The following NOX3 variants were observed in gnomAD, a reference collection of about 807,000 sequenced individuals.
NOX3 encodes the protein NADPH oxidase catalytic subunit-like 3.
In NOX3, 74 loss-of-function variants were observed where a neutral mutation model predicts 76.7. That is an observed-to-expected ratio of 0.96 (90% CI 0.80 to 1.17). The LOEUF is 1.17. Among genes scored for constraint, NOX3 ranks in the 50% most tolerant of loss-of-function variants. The pLI, the probability that NOX3 is intolerant of heterozygous loss-of-function variation, is 0.00. For synonymous variants in NOX3, 263 were observed against 261.1 expected (o/e 1.01, Z -0.07); for missense variants, 695 against 703.3 (o/e 0.99, Z 0.13).
At chr6:155,448,102 A>C (rs1265496435) in intron 4 of NOX3, among the ~76,000 whole-genome samples, 1 of 152,202 alleles carries the variant, frequency 6.6e-6, no homozygotes, top group Non-Finnish European at 1.5e-5. Flanking sequence ...AATACTGAAG[A>C]GGATACTTCT....
chr6:155,439,236 G>A (rs1387723845), intron 6 of NOX3, among the ~76,000 whole-genome samples: 1 of 152,148 alleles, frequency 6.6e-6, no homozygotes, highest in Non-Finnish European at 1.5e-5. Flanking sequence ...ATAATTAAAG[G>A]GACAAGCTAG....
chr6:155,436,329 A>G, intron 7 of NOX3, 89 bp downstream of exon 7: 1 of 1,462,894 alleles, frequency 6.8e-7, no homozygotes, highest in Non-Finnish European at 9.5e-7. Flanking sequence ...CTAGTGGTGA[A>G]ATGTGCTTTC....
chr6:155,411,540 T>C (rs1372690668), intron 10 of NOX3, among the ~76,000 whole-genome samples, 180 bp from the exon 11 acceptor site: 4 of 152,192 alleles, frequency 2.6e-5, no homozygotes, highest in African/African-American at 9.7e-5. Flanking sequence ...TTGAAAAAAT[T>C]CACAATGTGT....
chr6:155,404,711 C>CA (rs1431771916), intron 12 of NOX3, among the ~76,000 whole-genome samples: 1 of 152,160 alleles, frequency 6.6e-6, no homozygotes, highest in African/African-American at 2.4e-5. Context: ...AGCATGCCTT[C>CA]AAACCATCTC....
chr6:155,452,108 T>C (rs2114711176), intron 4 of NOX3, among the ~76,000 whole-genome samples: 1 of 152,370 alleles, frequency 6.6e-6, no homozygotes, highest in East Asian at 1.9e-4. Flanking sequence ...GCCTGGAGAT[T>C]CCTTGAATTG....
Position 155,428,955 on chromosome 6 carries a change from TG to T in NOX3, c.983del (p.Pro328GlnfsTer66), listed in dbSNP as rs545302024. 1.1e-4 allele frequency: 177 copies of T among 1,614,056 alleles called. No individual in the cohort carries two copies. The African/African-American group carries it at 2.1e-3, about 19-fold the overall frequency. On this transcript the variant is annotated frameshift_variant, in exon 9 of 14. Transcript: ENST00000159060. LOFTEE classifies it high-confidence loss of function. ...APGQYILVQC[P>X]AISSLEWHPF... ...GGTGCCACTCCAGCGAAGATATGGC[TG>T]GGCACTGCACCAAGATGTACTGCCC...
In NOX3 at chr6:155,455,133, G is replaced by A. The variant is rs765826428; in HGVS notation, c.49-4C>T. 1.9e-6 allele frequency: 3 copies of A among 1,588,734 alleles called. No homozygotes were observed. In the East Asian group the frequency reaches 6.7e-5, roughly 36 times the overall value. The stretch of plus-strand genomic sequence containing the variant: ...AATTTATTCCCAGCCATGAGAGCTA[G>A]AGTAGAAAGGAAAGAGAACCAATGA... On this transcript the variant is annotated splice_polypyrimidine_tract_variant and splice_region_variant and intron_variant, in intron 1 of 13. Coordinates refer to ENST00000159060, the MANE Select transcript of NOX3 (RefSeq NM_015718.3).
intron 10 of NOX3, among the ~76,000 whole-genome samples, chr6:155,414,623 CTTTTTTTTTT>C (rs72348061): frequency 8.8e-6 from 1 of 113,788 alleles, no homozygotes. Context: ...TCTTTTCTTT[CTTTTTTTTTT>C]TTTTTTTTTT....
At chr6:155,452,799 T>G (rs1267437002) in intron 4 of NOX3, among the ~76,000 whole-genome samples, 3 of 152,238 alleles carry the variant, frequency 2.0e-5, no homozygotes, top group Admixed American at 1.3e-4. Context: ...GGTTGATGAC[T>G]GCTCCTCCTC....
At chr6:155,455,336 CAT>C (rs768514880) in intron 1 of NOX3, among the ~76,000 whole-genome samples, 3 of 152,158 alleles carry the variant, frequency 2.0e-5, no homozygotes, top group Non-Finnish European at 4.4e-5. Context: ...ATTTTAAACA[CAT>C]ATGAGTCAAC....
At chr6:155,445,871 T>C (rs1376108640) in intron 4 of NOX3, among the ~76,000 whole-genome samples, 6 of 15,614 alleles carry the variant, frequency 3.8e-4, no homozygotes, top group South Asian at 2.7e-3. Flanking sequence ...GACATATACA[T>C]ATATATATAT....
chr6:155,417,389 G>A (rs562832362), intron 10 of NOX3, among the ~76,000 whole-genome samples: 2 of 152,290 alleles, frequency 1.3e-5, no homozygotes, highest in East Asian at 3.9e-4. Context: ...ATTTTAAAAT[G>A]TTTGTGTATT....
intron 4 of NOX3, 46 bp downstream of exon 4, chr6:155,453,358 G>A: frequency 1.5e-6 from 2 of 1,370,138 alleles, no homozygotes. Context: ...TATGAAGTTA[G>A]GCATCAGATA....
At chr6:155,397,039 T>C (rs1036675001) in intron 12 of NOX3, 77 bp from the exon 13 acceptor site, 4 of 1,365,968 alleles carry the variant, frequency 2.9e-6, no homozygotes, top group Middle Eastern at 2.0e-4. Context: ...AATGATAAGA[T>C]TAATGAAGTG....
chr6:155,432,889 C>G (rs1304374767), intron 7 of NOX3, among the ~76,000 whole-genome samples: 3 of 152,088 alleles, frequency 2.0e-5, no homozygotes. Context: ...TTGGACCGAG[C>G]AAAGGAATCC....
chr6:155,451,048 G>A (rs1447729638), intron 4 of NOX3, among the ~76,000 whole-genome samples: 1 of 151,282 alleles, frequency 6.6e-6, no homozygotes. Flanking sequence ...GGGCATTCTC[G>A]GCTCACTACA....
At chr6:155,449,180 C>T (rs774220823) in intron 4 of NOX3, among the ~76,000 whole-genome samples, 1 of 152,110 alleles carries the variant, frequency 6.6e-6, no homozygotes, top group Non-Finnish European at 1.5e-5. Flanking sequence ...TGTGCTCTCT[C>T]CTCTCACCCT....
intron 10 of NOX3, among the ~76,000 whole-genome samples, chr6:155,413,213 T>A (rs1195704281): frequency 6.6e-6 from 1 of 150,996 alleles, no homozygotes; most frequent in East Asian, 1.9e-4. Context: ...GTTGAGGGAG[T>A]CAAATGCTTA....
At chr6:155,439,352 C>T (rs1417524215) in intron 6 of NOX3, among the ~76,000 whole-genome samples, 2 of 152,150 alleles carry the variant, frequency 1.3e-5, no homozygotes, top group Non-Finnish European at 2.9e-5. Context: ...ATGCTAGCTT[C>T]CTGAAGAAGA....
Sources: allele counts gnomAD v4.1 joint callset (sites outside exome capture counted in the v4.1 genomes callset), GRCh38; gene constraint gnomAD v4.1.1; transcripts MANE v1.5; gene names NCBI Gene and HGNC (gene_info 2026-07-23, HGNC 2026-07-21).